JAKMIP3: variants seen among roughly 807,000 people sequenced by gnomAD.
JAKMIP3 encodes Janus kinase and microtubule interacting protein 3.
Under a neutral mutation model 118.5 loss-of-function variants are expected in JAKMIP3, and 58 were observed. That is an observed-to-expected ratio of 0.49 (90% CI 0.40 to 0.61). The LOEUF is 0.61. Among genes scored for constraint, JAKMIP3 ranks in the 20% least tolerant of loss-of-function variants. The pLI is 0.00. For missense variants in JAKMIP3, 950 were observed against 1,109.0 expected, an observed-to-expected ratio of 0.86 and a Z score of 2.04; for synonymous variants, 486 against 451.2, an observed-to-expected ratio of 1.08 and a Z score of -0.98.
At chr10:132,051,081 TC>T (rs2038087992) in intron 1 of JAKMIP3, among the ~76,000 whole-genome samples, 1 of 149,470 alleles carries the variant, frequency 6.7e-6, no homozygotes, top group Non-Finnish European at 1.5e-5. Context: ...TGCCTGTCTT[TC>T]CTGGCATGTT....
intron 23 of JAKMIP3, among the ~76,000 whole-genome samples, chr10:132,180,670 TGTGTGCGC>T (rs1328253672): frequency 0.012 from 349 of 29,898 alleles, 39 homozygotes; most frequent in Non-Finnish European, 0.015. Context: ...TGTGTGCGTG[TGTGTGCGC>T]GCGCGTGTGT....
intron 19 of JAKMIP3, among the ~76,000 whole-genome samples, chr10:132,159,749 G>A (rs12218809): frequency 1.3e-4 from 7 of 52,762 alleles, no homozygotes; most frequent in Admixed American, 2.7e-4. Flanking sequence ...ATACTGGGGG[G>A]GCCTCTTCCT....
intron 1 of JAKMIP3, among the ~76,000 whole-genome samples, chr10:132,068,272 C>T (rs1564861948): frequency 1.3e-5 from 2 of 152,196 alleles, no homozygotes; most frequent in Non-Finnish European, 2.9e-5. Flanking sequence ...CCATTCAGGA[C>T]CAATGCCATA....
rs200497584 is a variant in JAKMIP3 at position 132,150,036 on chromosome 10, G to C, written c.2002G>C (p.Val668Leu). 19 of 1,576,990 alleles carry C rather than the reference G, an allele frequency of 1.2e-5. No homozygotes were observed. Among genetic ancestry groups the C allele is most frequent in the Non-Finnish European group, 1.6e-5 (19 of 1,161,034 alleles). ...GCTGGACATCCTGGGCGATAACGCC[G>C]TAAGTGTATGTCGCTCTCCTGGCTT... is the stretch of plus-strand genomic sequence containing the variant. ...KKLDILGDNA[V>L]SNLTNEEQVV... The change falls in exon 16 of 24, where the codon GTA (valine) becomes CTA (leucine). Residue 668 changes from valine (V) to leucine (L), a missense_variant. Val to Leu is a conservative substitution (Grantham distance 32). Coordinates refer to ENST00000684848, the MANE Select transcript of JAKMIP3 (RefSeq NM_001323087.2).
At chr10:132,180,632 T>TGTGTGC (rs1565019542) in intron 23 of JAKMIP3, among the ~76,000 whole-genome samples, 2 of 31,972 alleles carry the variant, frequency 6.3e-5, no homozygotes, top group African/African-American at 3.6e-4. Context: ...TGTGCGTGTG[T>TGTGTGC]GCGTGCGTGT....
At chr10:132,134,942 C>A in intron 4 of JAKMIP3, 99 bp from the exon 5 acceptor site, 3 of 1,446,000 alleles carry the variant, frequency 2.1e-6, no homozygotes, top group Non-Finnish European at 2.8e-6. Context: ...AGGCGCGCGT[C>A]CCACGGCAGC....
At position 132,167,033 on chromosome 10, in the gene JAKMIP3, G is replaced by A. The variant is rs1390241577; in HGVS notation, c.2541G>A (p.Ter847=). 56 of 1,549,698 alleles carry A rather than the reference G, an allele frequency of 3.6e-5. No individual in the cohort carries two copies. Among genetic ancestry groups the A allele is most frequent in the Non-Finnish European group, 4.8e-5 (55 of 1,145,680 alleles). ...CCTTAGCTTTCATTCTCTGGTCATA[G>A]TCCGTCTTGGCACCCTGACGTGGTG... ...FFSLAFILWS[*] Residue 847 remains the stop codon, a stop_retained_variant, in exon 22 of 24, where the codon TAG becomes TAA. Coordinates refer to ENST00000684848, the MANE Select transcript of JAKMIP3 (RefSeq NM_001323087.2).
chr10:132,176,143 C>T (rs1236239055), intron 23 of JAKMIP3, among the ~76,000 whole-genome samples: 1 of 152,182 alleles, frequency 6.6e-6, no homozygotes, highest in Non-Finnish European at 1.5e-5. Context: ...AGCACCTGCC[C>T]GTTAAGGCAG....
intron 1 of JAKMIP3, among the ~76,000 whole-genome samples, chr10:132,057,890 G>C (rs751003142): frequency 2.0e-5 from 3 of 152,218 alleles, no homozygotes; most frequent in Non-Finnish European, 4.4e-5. Flanking sequence ...CGCACATAAT[G>C]GCACTGTGAC....
At chr10:132,149,157 G>A (rs2055307673) in intron 14 of JAKMIP3, among the ~76,000 whole-genome samples, 1 of 152,118 alleles carries the variant, frequency 6.6e-6, no homozygotes, top group South Asian at 2.1e-4. Context: ...GACTGCCCAG[G>A]CCACGTGGCC....
chr10:132,174,432 T>C (rs1299343081), intron 23 of JAKMIP3, among the ~76,000 whole-genome samples: 1 of 151,866 alleles, frequency 6.6e-6, no homozygotes, highest in Non-Finnish European at 1.5e-5. Context: ...CTCAGTGGGC[T>C]CCGTGGGCTC....
chr10:132,066,393 G>A (rs912572575), intron 1 of JAKMIP3, among the ~76,000 whole-genome samples: 1 of 152,234 alleles, frequency 6.6e-6, no homozygotes, highest in Non-Finnish European at 1.5e-5. Context: ...CCGTGGTGGG[G>A]TGGGTTGGGG....
At chr10:132,134,892 C>CG (rs2051418778) in intron 4 of JAKMIP3, 149 bp from the exon 5 acceptor site, 8 of 994,040 alleles carry the variant, frequency 8.0e-6, no homozygotes, top group East Asian at 2.7e-5. Context: ...TGCCTTTCCC[C>CG]GGGGGGCTCC....
chr10:132,057,749 G>C (rs1014735915), intron 1 of JAKMIP3, among the ~76,000 whole-genome samples: 1 of 152,220 alleles, frequency 6.6e-6, no homozygotes, highest in African/African-American at 2.4e-5. Context: ...AACGAAGGCA[G>C]CTGGGTCCTG....
chr10:132,114,541 T>C (rs993757318), intron 2 of JAKMIP3, among the ~76,000 whole-genome samples: 11 of 152,226 alleles, frequency 7.2e-5, no homozygotes, highest in Admixed American at 7.2e-4. Context: ...CTGTTAGTCA[T>C]GGTAGCTCCC....
chr10:132,158,561 G>A (rs1220864059), intron 19 of JAKMIP3, among the ~76,000 whole-genome samples: 1 of 152,222 alleles, frequency 6.6e-6, no homozygotes, highest in Non-Finnish European at 1.5e-5. Flanking sequence ...GTTGCTGGTT[G>A]GGCCAGGATT....
At position 132,095,156 on chromosome 10, in the gene JAKMIP3, C is replaced by T. The variant is rs922689764; in HGVS notation, c.-137-9516C>T. Among the ~76,000 whole-genome samples the T allele has an allele frequency of 3.3e-5, 5 of 152,194 alleles. No homozygotes were observed. In the East Asian group the frequency reaches 5.8e-4, roughly 18 times the overall value. ...GAACGTGCCCCAGGCTACCTGCCTC[C>T]CAGCTGTGAAAATGGGGCTTTCATT... is the stretch of plus-strand genomic sequence containing the variant. On this transcript the variant is annotated intron_variant, in intron 1 of 23. Coordinates refer to ENST00000684848, the MANE Select transcript of JAKMIP3 (RefSeq NM_001323087.2).
At chr10:132,083,936 G>T (rs569225191) in intron 1 of JAKMIP3, among the ~76,000 whole-genome samples, 3 of 152,218 alleles carry the variant, frequency 2.0e-5, no homozygotes, top group East Asian at 3.9e-4. Flanking sequence ...GGTGACTATG[G>T]CCTTATAGTA....
chr10:132,113,931 G>A (rs186281693), intron 2 of JAKMIP3, among the ~76,000 whole-genome samples: 24 of 152,320 alleles, frequency 1.6e-4, no homozygotes, highest in Admixed American at 1.2e-3. Context: ...CCCGTCCTTC[G>A]CCTCTCCCGG....
Sources: gnomAD v4.1 joint callset for allele counts (sites outside exome capture counted in the v4.1 genomes callset) on GRCh38, gnomAD v4.1.1 for gene constraint, MANE v1.5 for transcripts, NCBI Gene and HGNC (gene_info 2026-07-23, HGNC 2026-07-21) for gene names.